The following IFT52 variants were observed in gnomAD, a reference collection of about 807,000 sequenced individuals.
IFT52 encodes the protein intraflagellar transport 52.
A neutral mutation model predicts 54.4 loss-of-function variants in IFT52; 44 were observed. The observed-to-expected ratio is 0.81, with a 90% CI of 0.63 to 1.04. The LOEUF is 1.04. IFT52 is among the 50% of genes least tolerant of loss of function. IFT52 has a pLI of 0.00. For synonymous variants in IFT52, 181 were observed against 185.3 expected (o/e 0.98, Z 0.19); for missense variants, 452 against 523.6 (o/e 0.86, Z 1.33).
At chr20:43,622,341 G>A (rs1984363723) in intron 9 of IFT52, among the ~76,000 whole-genome samples, 1 of 152,158 alleles carries the variant, frequency 6.6e-6, no homozygotes, top group African/African-American at 2.4e-5. Context: ...GCTCACGCCT[G>A]TAATCCCAGC....
intron 13 of IFT52, among the ~76,000 whole-genome samples, chr20:43,643,192 C>CAA (rs1265564639): frequency 1.5e-5 from 2 of 129,634 alleles, no homozygotes; most frequent in Non-Finnish European, 3.3e-5. Context: ...CAAAACAAAA[C>CAA]AAAAAAAAAA....
Position 43,598,352 on chromosome 20 carries a change from T to C in IFT52, c.207+1830T>C, listed in dbSNP as rs1982166209. Among the ~76,000 whole-genome samples, 3 of 152,138 alleles carry C rather than the reference T, an allele frequency of 2.0e-5. No homozygotes were observed. The South Asian group carries it at 6.2e-4, about 32-fold the overall frequency. ...GGTATAGAGTTTCAGTTTTGCAAGA[T>C]GAAAACAGTTCTGCAGATTGATTGC... On this transcript the variant is annotated intron_variant, in intron 3 of 13. Coordinates refer to ENST00000373030, the MANE Select transcript of IFT52 (RefSeq NM_016004.5).
chr20:43,616,122 C>T (rs1983840485), intron 7 of IFT52, among the ~76,000 whole-genome samples: 1 of 152,022 alleles, frequency 6.6e-6, no homozygotes, highest in Admixed American at 6.6e-5. Flanking sequence ...TATAACTATG[C>T]CTGTTCCCTG....
chr20:43,625,922 G>A (rs1600496976), intron 10 of IFT52, among the ~76,000 whole-genome samples: 1 of 148,902 alleles, frequency 6.7e-6, no homozygotes, highest in Non-Finnish European at 1.5e-5. Context: ...TCAGGCATGA[G>A]TTACTTGGGA....
At chr20:43,642,260 T>G in intron 12 of IFT52, 1 of 470,992 alleles carries the variant, frequency 2.1e-6, no homozygotes, top group Non-Finnish European at 3.7e-6. Flanking sequence ...ACCAGTCCAG[T>G]TTTATTCTGA....
Position 43,628,590 on chromosome 20 carries a change from C to T in IFT52, c.923+4545C>T, listed in dbSNP as rs984728302. ...CAAAGAAGCCGGACATGATGGCTCA[C>T]GCCTGTAATCCCAGCACTTTGGGAG... On this transcript the variant is annotated intron_variant, in intron 10 of 13. Coordinates refer to ENST00000373030, the MANE Select transcript of IFT52 (RefSeq NM_016004.5). Among the ~76,000 whole-genome samples, 7 of 152,194 alleles carry T rather than the reference C, an allele frequency of 4.6e-5. 1 individual carries two copies. Among genetic ancestry groups the T allele is most frequent in the African/African-American group, 1.4e-4 (6 of 41,452 alleles).
At chr20:43,598,636 A>G (rs1461640795) in intron 3 of IFT52, among the ~76,000 whole-genome samples, 1 of 152,166 alleles carries the variant, frequency 6.6e-6, no homozygotes, top group Non-Finnish European at 1.5e-5. Context: ...CGGAGGTTGC[A>G]GTGAGCCGAG....
At chr20:43,611,415 A>T (rs1009900677) in intron 6 of IFT52, among the ~76,000 whole-genome samples, 22 of 120,580 alleles carry the variant, frequency 1.8e-4, no homozygotes, top group Non-Finnish European at 5.3e-5. Context: ...GTTTAAGTTT[A>T]TACTTAGTCT....
chr20:43,612,880 T>A (rs1380634530), intron 6 of IFT52, among the ~76,000 whole-genome samples: 1 of 152,160 alleles, frequency 6.6e-6, no homozygotes, highest in Non-Finnish European at 1.5e-5. Context: ...TGTGTTTCTC[T>A]CCATTCTGAG....
chr20:43,592,566 C>T, intron 1 of IFT52, among the ~76,000 whole-genome samples: 1 of 67,118 alleles, frequency 1.5e-5, no homozygotes, highest in African/African-American at 5.3e-5. Context: ...AGAGCAGACT[C>T]TCTCAAAAAA....
At chr20:43,602,829 A>G (rs1316981920) in intron 3 of IFT52, among the ~76,000 whole-genome samples, 1 of 152,168 alleles carries the variant, frequency 6.6e-6, no homozygotes, top group Non-Finnish European at 1.5e-5. Context: ...TTCAGGGAGC[A>G]TACAAGAGCG....
At chr20:43,593,256 T>C (rs1046817677) in intron 1 of IFT52, among the ~76,000 whole-genome samples, 7 of 151,940 alleles carry the variant, frequency 4.6e-5, no homozygotes, top group Non-Finnish European at 1.0e-4. Flanking sequence ...ATTAAAACAG[T>C]AATGAGGGGG....
chr20:43,636,733 A>G (rs1985562903), intron 11 of IFT52, among the ~76,000 whole-genome samples: 1 of 152,256 alleles, frequency 6.6e-6, no homozygotes, highest in Admixed American at 6.5e-5. Flanking sequence ...AATGAGAAAC[A>G]AGTTGTACAA....
chr20:43,597,570 T>C (rs532454912), intron 3 of IFT52, among the ~76,000 whole-genome samples: 2 of 152,008 alleles, frequency 1.3e-5, no homozygotes, highest in Non-Finnish European at 1.5e-5. Flanking sequence ...AAAAACAGTA[T>C]GGTAGTTCCT....
chr20:43,601,375 T>C (rs1601026708), intron 3 of IFT52, among the ~76,000 whole-genome samples: 1 of 152,196 alleles, frequency 6.6e-6, no homozygotes, highest in Non-Finnish European at 1.5e-5. Flanking sequence ...TAATCTTTCT[T>C]CCTGTTTTTG....
chr20:43,611,089 C>A, intron 6 of IFT52, among the ~76,000 whole-genome samples: 1 of 152,166 alleles, frequency 6.6e-6, no homozygotes, highest in Non-Finnish European at 1.5e-5. Flanking sequence ...TTGTTCCTTT[C>A]CTGGATTATC....
rs1984527286 is a variant in IFT52, at chr20:43,623,911, G to A, written c.789G>A (p.Leu263=). The A allele has an allele frequency of 6.2e-7, 1 of 1,614,154 alleles. No homozygotes were observed. The highest frequency in any genetic ancestry group is 8.5e-7 in the Non-Finnish European group (1 of 1,180,030). The part of the protein sequence containing the change: ...EDPEISDYMM[L]PYTATLSKRN... ...TTCAGATTTCTGACTACATGATGCTGCCCTACACAGCCACCCTATCAAAGC... is the reference window on the plus strand; with the variant it reads ...TTCAGATTTCTGACTACATGATGCTACCCTACACAGCCACCCTATCAAAGC... The change falls in exon 10 of 14, where the codon CTG becomes CTA. Residue 263 remains leucine, a synonymous_variant. Coordinates refer to ENST00000373030, the MANE Select transcript of IFT52 (RefSeq NM_016004.5).
Position 43,626,868 on chromosome 20 carries a change from G to A in IFT52, c.923+2823G>A, listed in dbSNP as rs188822211. On this transcript the variant is annotated intron_variant, in intron 10 of 13. Coordinates refer to ENST00000373030, the MANE Select transcript of IFT52 (RefSeq NM_016004.5). ...CACCCCAGAGTTTAGAATTTAGGAA[G>A]AAACAGAAAATCCAGCTGGGCACGG... Among the ~76,000 whole-genome samples, 387 of 152,102 alleles carry A rather than the reference G, an allele frequency of 2.5e-3. 4 individuals carry two copies. The highest frequency in any genetic ancestry group is 1.5e-3 in the Non-Finnish European group (99 of 67,976).
chr20:43,641,874 A>G (rs1387634686), intron 12 of IFT52, among the ~76,000 whole-genome samples: 2 of 148,868 alleles, frequency 1.3e-5, no homozygotes, highest in African/African-American at 5.0e-5. Context: ...GTTCACTGCA[A>G]CCTCCATCTC....
Sources: gnomAD v4.1 joint callset for allele counts (sites outside exome capture counted in the v4.1 genomes callset) on GRCh38, gnomAD v4.1.1 for gene constraint, MANE v1.5 for transcripts, NCBI Gene and HGNC (gene_info 2026-07-23, HGNC 2026-07-21) for gene names.